ARHGAP15: variants seen among roughly 807,000 people sequenced by gnomAD.
ARHGAP15 encodes rho GTPase-activating protein 15.
ARHGAP15 carries 51 observed loss-of-function variants against 63.7 expected under a neutral mutation model. That is an observed-to-expected ratio of 0.80 (90% confidence interval 0.64 to 1.01). The LOEUF (loss-of-function observed/expected upper bound fraction) is 1.01, where lower values mean the gene tolerates loss of function less well. ARHGAP15 is among the 50% of genes least tolerant of loss of function. The pLI, the probability that ARHGAP15 is intolerant of heterozygous loss-of-function variation, is 0.00. For synonymous variants in ARHGAP15, 191 were observed against 193.8 expected (o/e 0.99, Z 0.12); for missense variants, 560 against 564.6 (o/e 0.99, Z 0.08).
At chr2:143,693,875 A>G (rs1427615184) in intron 12 of ARHGAP15, among the ~76,000 whole-genome samples, 1 of 152,224 alleles carries the variant, frequency 6.6e-6, no homozygotes, top group Non-Finnish European at 1.5e-5. Flanking sequence ...TAAGGATTTC[A>G]GGCTTGGAAT....
At chr2:143,184,555 T>A (rs1691364670) in intron 2 of ARHGAP15, among the ~76,000 whole-genome samples, 1 of 152,136 alleles carries the variant, frequency 6.6e-6, no homozygotes, top group Non-Finnish European at 1.5e-5. Context: ...CTTTATATAT[T>A]TGAGCATAAA....
chr2:143,177,369 G>C (rs946038082), intron 2 of ARHGAP15, among the ~76,000 whole-genome samples: 13 of 152,120 alleles, frequency 8.5e-5, no homozygotes, highest in African/African-American at 2.7e-4. Context: ...TTAGAATTTG[G>C]ACAGTACTCG....
In ARHGAP15 at chr2:143,462,773, AGATG is replaced by A. The variant is rs34875897; in HGVS notation, c.704-24573_704-24570del. ...GTACTACTACTAGTAAGATGTAGTAAGATGGATGGATGGATGGATGGATGGATGG... is the reference window on the plus strand; with the variant it reads ...GTACTACTACTAGTAAGATGTAGTAAGATGGATGGATGGATGGATGGATGG... On this transcript the variant is annotated intron_variant, in intron 8 of 13. Coordinates refer to ENST00000295095, the MANE Select transcript of ARHGAP15 (RefSeq NM_018460.4). 2.2e-3 allele frequency among the ~76,000 whole-genome samples: 336 copies of A among 152,130 alleles called. 1 individual carries two copies. Among genetic ancestry groups the A allele is most frequent in the Middle Eastern group, 6.8e-3 (2 of 294 alleles).
chr2:143,627,876 T>C (rs1459696393), intron 12 of ARHGAP15, among the ~76,000 whole-genome samples: 1 of 152,128 alleles, frequency 6.6e-6, no homozygotes, highest in Non-Finnish European at 1.5e-5. Context: ...GTAGGTTTGT[T>C]ACCTGGGTAT....
chr2:143,226,737 AAC>A (rs1693227267), intron 4 of ARHGAP15, among the ~76,000 whole-genome samples: 1 of 152,230 alleles, frequency 6.6e-6, no homozygotes, highest in Non-Finnish European at 1.5e-5. Context: ...TGGGTCCAAG[AAC>A]ACAGTGTTTG....
chr2:143,315,947 G>A (rs751355258), intron 6 of ARHGAP15, among the ~76,000 whole-genome samples: 5 of 152,098 alleles, frequency 3.3e-5, no homozygotes, highest in Middle Eastern at 3.4e-3. Flanking sequence ...TTAGCTGGGC[G>A]TGGTGGTGCG....
chr2:143,345,865 C>T (rs531736057), intron 6 of ARHGAP15, among the ~76,000 whole-genome samples: 1 of 152,022 alleles, frequency 6.6e-6, no homozygotes, highest in African/African-American at 2.4e-5. Flanking sequence ...AAGCAACAAA[C>T]AGTGGCTTTT....
At chr2:143,136,566 TG>T (rs143265515) in intron 1 of ARHGAP15, among the ~76,000 whole-genome samples, 5,861 of 152,140 alleles carry the variant, frequency 0.039, 394 homozygotes, top group African/African-American at 0.13. Flanking sequence ...TCAGACTTTT[TG>T]TTGGGCCCCC....
At chr2:143,134,080 T>C (rs980613994) in intron 1 of ARHGAP15, among the ~76,000 whole-genome samples, 2 of 152,206 alleles carry the variant, frequency 1.3e-5, no homozygotes, top group African/African-American at 4.8e-5. Context: ...TCAATGAATG[T>C]CCATGTAATT....
intron 6 of ARHGAP15, among the ~76,000 whole-genome samples, chr2:143,271,811 G>C (rs1299195837): frequency 6.6e-6 from 1 of 152,142 alleles, no homozygotes; most frequent in Non-Finnish European, 1.5e-5. Flanking sequence ...AAATCTACTT[G>C]AGTTCTAACA....
chr2:143,415,446 G>A (rs1688633567), intron 6 of ARHGAP15, among the ~76,000 whole-genome samples: 1 of 152,032 alleles, frequency 6.6e-6, no homozygotes, highest in African/African-American at 2.4e-5. Context: ...TAAGAAATAT[G>A]CCAATAGATA....
intron 12 of ARHGAP15, among the ~76,000 whole-genome samples, chr2:143,657,072 C>T (rs1681482706): frequency 6.6e-6 from 1 of 151,978 alleles, no homozygotes; most frequent in Non-Finnish European, 1.5e-5. Context: ...TGTGGCCGAG[C>T]GTGGTGGCTC....
At chr2:143,537,204 T>C (rs1272037104) in intron 10 of ARHGAP15, among the ~76,000 whole-genome samples, 2 of 152,156 alleles carry the variant, frequency 1.3e-5, no homozygotes, top group African/African-American at 4.8e-5. Flanking sequence ...TCATATCCTT[T>C]GCCCACTTTT....
chr2:143,443,164 C>T (rs77596381), intron 8 of ARHGAP15, among the ~76,000 whole-genome samples: 8,334 of 152,170 alleles, frequency 0.055, 297 homozygotes, highest in East Asian at 0.14. Flanking sequence ...CATATAAATA[C>T]ATATTTTAAA....
chr2:143,478,150 A>G (rs1291876714), intron 8 of ARHGAP15, among the ~76,000 whole-genome samples: 2 of 152,164 alleles, frequency 1.3e-5, no homozygotes, highest in African/African-American at 4.8e-5. Flanking sequence ...TCTTCTGCCC[A>G]GTATGCATCC....
chr2:143,542,270 T>C (rs2105049624), intron 10 of ARHGAP15, among the ~76,000 whole-genome samples: 1 of 152,234 alleles, frequency 6.6e-6, no homozygotes, highest in African/African-American at 2.4e-5. Flanking sequence ...CCAGGTGCCA[T>C]CTGTCACCCC....
intron 13 of ARHGAP15, chr2:143,706,403 T>A (rs1371601885): frequency 6.6e-6 from 1 of 152,164 alleles, no homozygotes; most frequent in Non-Finnish European, 1.5e-5. Context: ...CAAATATATA[T>A]ATTTTGAAGT....
At chr2:143,326,082 C>T (rs1433825944) in intron 6 of ARHGAP15, among the ~76,000 whole-genome samples, 1 of 152,032 alleles carries the variant, frequency 6.6e-6, no homozygotes, top group African/African-American at 2.4e-5. Flanking sequence ...CAGATTGATC[C>T]TAAAATTGCT....
chr2:143,317,962 C>T (rs1683797702), intron 6 of ARHGAP15, among the ~76,000 whole-genome samples: 1 of 151,746 alleles, frequency 6.6e-6, no homozygotes, highest in Admixed American at 6.6e-5. Context: ...GCTATCAACA[C>T]CTTCATCACT....
Sources: allele counts gnomAD v4.1 joint callset (sites outside exome capture counted in the v4.1 genomes callset), GRCh38; gene constraint gnomAD v4.1.1; transcripts MANE v1.5; gene names NCBI Gene and HGNC (gene_info 2026-07-23, HGNC 2026-07-21).